FOXRED2: variants seen among roughly 807,000 people sequenced by gnomAD.
The protein encoded by FOXRED2 is FAD-dependent oxidoreductase domain-containing protein 2.
FOXRED2 carries 32 observed loss-of-function variants against 52.5 expected under a neutral mutation model. The ratio of observed to expected loss-of-function variants is 0.61; its 90% CI spans 0.46 to 0.82. FOXRED2 has a LOEUF of 0.82. Ranked by LOEUF, FOXRED2 falls within the 40% of genes least tolerant of loss-of-function variation. The pLI is 0.00. For synonymous variants in FOXRED2, 405 were observed against 398.1 expected (o/e 1.02, Z -0.21); for missense variants, 848 against 937.5 (o/e 0.90, Z 1.25).
chr22:36,501,808 A>G (rs908266622), intron 4 of FOXRED2, among the ~76,000 whole-genome samples: 3 of 152,144 alleles, frequency 2.0e-5, no homozygotes, highest in Non-Finnish European at 2.9e-5. Context: ...TGAGTGCCTT[A>G]GATTTCTCGT....
At chr22:36,499,702 ACCAC>A (rs1933993813) in intron 5 of FOXRED2, among the ~76,000 whole-genome samples, 1 of 14,126 alleles carries the variant, frequency 7.1e-5, no homozygotes, top group Non-Finnish European at 3.4e-4. Flanking sequence ...GACTCACCTA[ACCAC>A]CTAACTGAAT....
intron 2 of FOXRED2, among the ~76,000 whole-genome samples, chr22:36,505,684 T>C (rs1934171059): frequency 6.6e-6 from 1 of 151,868 alleles, no homozygotes; most frequent in South Asian, 2.1e-4. Flanking sequence ...GGCAGGAGAA[T>C]CGCTTGAACT....
intron 8 of FOXRED2, among the ~76,000 whole-genome samples, chr22:36,491,127 A>G: frequency 6.6e-6 from 1 of 151,778 alleles, no homozygotes; most frequent in African/African-American, 2.4e-5. Flanking sequence ...GTGCCACTGC[A>G]CTCCAGCCTG....
chr22:36,501,414 G>C lies in FOXRED2; in HGVS notation c.1050-7C>G. ...CGAGTTAAGTCTGAGGGACCTGTCA[G>C]TGGAAAGGGCTGTTCATGAAAATAG... On this transcript the variant is annotated splice_polypyrimidine_tract_variant and splice_region_variant and intron_variant, in intron 4 of 8. Transcript: ENST00000397224. 6.2e-7 allele frequency: 1 copy of C among 1,613,890 alleles called. No homozygotes were observed. The highest frequency in any genetic ancestry group is 8.5e-7 in the Non-Finnish European group (1 of 1,179,802).
chr22:36,493,617 T>G lies in FOXRED2; in HGVS notation c.1795+16A>C, dbSNP rs1568986969. 1.2e-6 allele frequency: 2 copies of G among 1,610,902 alleles called. No homozygotes were observed. The highest frequency in any genetic ancestry group is 8.5e-7 in the Non-Finnish European group (1 of 1,177,820). ...CTGGAGCTCAGACCCTTTGTCTTTC[T>G]GGGAGCTTAAGTTACCTGCATAGAA... On this transcript the variant is annotated intron_variant, in intron 8 of 8. Coordinates refer to ENST00000397224, the MANE Select transcript of FOXRED2 (RefSeq NM_001102371.2).
rs148721348 is a variant in FOXRED2, at chr22:36,491,465, C to T, written c.1796-1198G>A. 2.7e-3 allele frequency among the ~76,000 whole-genome samples: 413 copies of T among 152,126 alleles called. 1 individual carries two copies. The highest frequency in any genetic ancestry group is 5.0e-3 in the Non-Finnish European group (340 of 68,012). On this transcript the variant is annotated intron_variant, in intron 8 of 8. Coordinates refer to ENST00000397224, the MANE Select transcript of FOXRED2 (RefSeq NM_001102371.2). ...CCAGGCAGGCTGGAGTACAGTGGCA[C>T]GATCCCAGCTCACTACAACCTCTGC...
chr22:36,501,500 GC>G, intron 4 of FOXRED2, 93 bp from the exon 5 acceptor site: 1 of 1,284,346 alleles, frequency 7.8e-7, no homozygotes, highest in Non-Finnish European at 1.1e-6. Flanking sequence ...CGCTCTTGTC[GC>G]CCAGGTTAGA....
chr22:36,495,249 A>G (rs1393526879), intron 7 of FOXRED2, among the ~76,000 whole-genome samples: 3 of 152,058 alleles, frequency 2.0e-5, no homozygotes, highest in Non-Finnish European at 4.4e-5. Context: ...ATGAGCCACC[A>G]TGCCCAGCCT....
chr22:36,496,159 C>T lies in FOXRED2; in HGVS notation c.1432G>A (p.Ala478Thr). Residue 478 changes from alanine (A) to threonine (T), a missense_variant, in exon 7 of 9, where the codon GCC becomes ACC. By Grantham distance (58) the Ala-to-Thr change is moderately conservative. Transcript: ENST00000397224. ...YLEEFPIQML[A>T]QLETLTGRKA... ...CTCCCTGTGAGTGTCTCCAGCTGGG[C>T]CAGCATCTGTATGGGGAACTCCTCC... 6.2e-7 allele frequency: 1 copy of T among 1,614,088 alleles called. No individual in the cohort carries two copies. Among genetic ancestry groups the T allele is most frequent in the East Asian group, 2.2e-5 (1 of 44,884 alleles).
At chr22:36,492,397 G>T (rs41336652) in intron 8 of FOXRED2, among the ~76,000 whole-genome samples, 7,850 of 152,288 alleles carry the variant, frequency 0.052, 661 homozygotes, top group African/African-American at 0.18. Context: ...ACAGTGGCCT[G>T]TACAGTCAAA....
Position 36,490,034 on chromosome 22 carries a change from C to T in FOXRED2, c.2029G>A (p.Val677Ile), listed in dbSNP as rs147762208. The T allele has an allele frequency of 1.8e-4, 289 of 1,599,970 alleles. 1 individual carries two copies. In the African/African-American group the frequency reaches 2.6e-3, roughly 15 times the overall value. The change falls in exon 9 of 9, where the codon GTC becomes ATC. Residue 677 changes from valine to isoleucine, a missense_variant. By Grantham distance (29) the Val-to-Ile change is conservative. Coordinates refer to ENST00000397224, the MANE Select transcript of FOXRED2 (RefSeq NM_001102371.2). ...PLAPGPLAQSVDSNKEEL is the reference protein window; with the variant it reads ...PLAPGPLAQSIDSNKEEL ...CAGAGCTCCTCTTTGTTGCTATCGA[C>T]GGACTGAGCCAGAGGCCCTGGAGCC...
chr22:36,499,384 G>A (rs578138222), intron 5 of FOXRED2, among the ~76,000 whole-genome samples: 9 of 152,290 alleles, frequency 5.9e-5, no homozygotes, highest in Admixed American at 5.2e-4. Flanking sequence ...GGGAGGCTGA[G>A]GTGGGTGGAT....
intron 7 of FOXRED2, among the ~76,000 whole-genome samples, chr22:36,494,851 A>C (rs989325602): frequency 1.3e-5 from 2 of 151,372 alleles, no homozygotes; most frequent in Non-Finnish European, 2.9e-5. Context: ...GTCGGCCAGG[A>C]TGGTCTCGAC....
At chr22:36,504,431 C>T in intron 3 of FOXRED2, 64 bp from the exon 4 acceptor site, 1 of 1,606,990 alleles carries the variant, frequency 6.2e-7, no homozygotes, top group Non-Finnish European at 8.5e-7. Flanking sequence ...CAGCTGGGGT[C>T]AGGAAGGGCA....
rs778049739 is a variant in FOXRED2, at chr22:36,506,399, C to A, written c.24G>T (p.Pro8=). ...GGAGCAGCCCCGGGGGACCCCACAA[C>A]GGGGCCGCAGCGGAGAGGCCCATCC... The part of the protein sequence containing the change: MGLSAAA[P]LWGPPGLLLA... The change falls in exon 2 of 9, where the codon CCG becomes CCT. Residue 8 remains proline (P), a synonymous_variant. Transcript: ENST00000397224. 1.9e-5 allele frequency: 28 copies of A among 1,437,978 alleles called. No homozygotes were observed. The highest frequency in any genetic ancestry group is 2.5e-5 in the Non-Finnish European group (27 of 1,101,126). The allele number at this position is 1,437,978 out of a possible 1,614,324, so 89.1% of individuals were successfully genotyped here. A position where few individuals can be genotyped will look rare whatever the true frequency, so the allele number is the denominator to read the frequency against.
At chr22:36,493,296 G>A (rs1933804698) in intron 8 of FOXRED2, among the ~76,000 whole-genome samples, 1 of 152,162 alleles carries the variant, frequency 6.6e-6, no homozygotes, top group South Asian at 2.1e-4. Flanking sequence ...AAAATTAGTT[G>A]GGCATGGTGG....
chr22:36,496,373 G>A (rs1047444751), intron 6 of FOXRED2, among the ~76,000 whole-genome samples, 165 bp from the exon 7 acceptor site: 2 of 152,222 alleles, frequency 1.3e-5, no homozygotes, highest in African/African-American at 2.4e-5. Context: ...CAGCTCTCAC[G>A]CACATGTGGG....
At chr22:36,498,601 C>G (rs1933966180) in intron 5 of FOXRED2, among the ~76,000 whole-genome samples, 1 of 152,168 alleles carries the variant, frequency 6.6e-6, no homozygotes, top group South Asian at 2.1e-4. Flanking sequence ...CAGAAACCTC[C>G]CCCCCTTCAC....
intron 4 of FOXRED2, among the ~76,000 whole-genome samples, chr22:36,502,927 T>C (rs1934094100): frequency 6.6e-6 from 1 of 151,708 alleles, no homozygotes; most frequent in Non-Finnish European, 1.5e-5. Flanking sequence ...CTCCTAACCT[T>C]GTGATCCGCC....
Sources: allele counts gnomAD v4.1 joint callset (sites outside exome capture counted in the v4.1 genomes callset), GRCh38; gene constraint gnomAD v4.1.1; transcripts MANE v1.5; gene names NCBI Gene and HGNC (gene_info 2026-07-23, HGNC 2026-07-21).